ZNF705G: variants seen among roughly 807,000 people sequenced by gnomAD.
ZNF705G encodes zinc finger protein 705G, also known as putative zinc finger protein 705G.
In ZNF705G, 23 loss-of-function variants were observed where a neutral mutation model predicts 19.6. The ratio of observed to expected loss-of-function variants is 1.17; its 90% CI spans 0.84 to 1.66. ZNF705G has a LOEUF of 1.66. Among genes scored for constraint, ZNF705G ranks in the 40% most tolerant of loss-of-function variants. ZNF705G has a pLI of 0.00. For synonymous variants in ZNF705G, 146 were observed against 117.7 expected, an observed-to-expected ratio of 1.24 and a Z score of -1.56; for missense variants, 457 against 354.4, an observed-to-expected ratio of 1.29 and a Z score of -2.32.
At chr8:7,364,402 T>C (rs1322034127) in intron 2 of ZNF705G, among the ~76,000 whole-genome samples, 1 of 149,758 alleles carries the variant, frequency 6.7e-6, no homozygotes. Context: ...ATTGTGACAT[T>C]GTGCTTACAG....
chr8:7,357,811 A>C lies in ZNF705G; in HGVS notation c.*165T>G. 9.1e-7 allele frequency: 1 copy of C among 1,098,998 alleles called. No individual in the cohort carries two copies. Among genetic ancestry groups the C allele is most frequent in the South Asian group, 1.7e-5 (1 of 58,704 alleles). The allele number at this position is 1,098,998 out of a possible 1,614,324, so 68.1% of individuals were successfully genotyped here. On this transcript the variant is annotated 3_prime_UTR_variant, in exon 7 of 7. Coordinates refer to ENST00000400156, the MANE Select transcript of ZNF705G (RefSeq NM_001164457.3). ...CTCTTCCACATTCCTTACCTTTGTC[A>C]TTCCTAACACCGTGTCATCTAAAGT...
At chr8:7,368,841 G>T (rs1806973627) in intron 2 of ZNF705G, among the ~76,000 whole-genome samples, 1 of 149,548 alleles carries the variant, frequency 6.7e-6, no homozygotes, top group Admixed American at 6.6e-5. Flanking sequence ...CATTGTTTGG[G>T]CCACCGCTTT....
At chr8:7,377,953 CAAAAAA>C (rs1175739210) in intron 2 of ZNF705G, among the ~76,000 whole-genome samples, 5 of 53,116 alleles carry the variant, frequency 9.4e-5, no homozygotes, top group Admixed American at 3.9e-4. Flanking sequence ...GACACTGTCT[CAAAAAA>C]AAAAAAAAAA....
rs1806578083 is a variant in ZNF705G, at chr8:7,361,227, T to C, written c.22A>G (p.Thr8Ala). 3.8e-6 allele frequency: 6 copies of C among 1,592,440 alleles called. No individual in the cohort carries two copies. The highest frequency in any genetic ancestry group is 5.1e-6 in the Non-Finnish European group (6 of 1,179,370). ...AAGTCAATAGCTACATCTTCAAAAGTCAGTTTCTTCTAAAACATCACAGAC... is the reference window on the plus strand; with the variant it reads ...AAGTCAATAGCTACATCTTCAAAAGCCAGTTTCTTCTAAAACATCACAGAC... MHSLKKL[T>A]FEDVAIDFTQ... The change falls in exon 4 of 7, where the codon ACT becomes GCT. Residue 8 changes from threonine to alanine, a missense_variant. Thr to Ala is a moderately conservative substitution (Grantham distance 58). Coordinates refer to ENST00000400156, the MANE Select transcript of ZNF705G (RefSeq NM_001164457.3).
intron 5 of ZNF705G, among the ~76,000 whole-genome samples, chr8:7,359,929 C>A (rs1304177591): frequency 2.5e-4 from 38 of 149,288 alleles, no homozygotes; most frequent in African/African-American, 3.3e-4. Context: ...AGATATCAGG[C>A]AGGTAAAAAG....
chr8:7,370,409 C>G (rs1197507192), intron 2 of ZNF705G, among the ~76,000 whole-genome samples: 1 of 149,606 alleles, frequency 6.7e-6, no homozygotes, highest in Non-Finnish European at 1.5e-5. Context: ...TGAAATATCA[C>G]CTGATAGAAT....
rs1243272669 is a variant in ZNF705G, at chr8:7,363,025, T to G, written c.-71-8A>C. 6.3e-7 allele frequency: 1 copy of G among 1,579,278 alleles called. No homozygotes were observed. The highest frequency in any genetic ancestry group is 2.2e-5 in the East Asian group (1 of 44,762). ...TTTAGGCACTAAGAAAAGCTGAGGT[T>G]GGAGAAAGAACATGTGAGACACCAG... On this transcript the variant is annotated splice_region_variant and splice_polypyrimidine_tract_variant and intron_variant, in intron 2 of 6. Transcript: ENST00000400156.
In ZNF705G at chr8:7,360,296, A is replaced by T; in HGVS notation, c.176T>A (p.Leu59Gln). The change falls in exon 5 of 7, where the codon CTG becomes CAG. Residue 59 changes from leucine to glutamine, a missense_variant. Leu to Gln is a moderately radical substitution (Grantham distance 113). Transcript: ENST00000400156. ...QISKSYIILQ[L>Q]EQGKELWREG... ...CCTCCACAGCTCTTTTCCTTGCTCC[A>T]GCTGCAAAATTATATAGGATTTGCT... 1 of 1,591,090 alleles carries T rather than the reference A, an allele frequency of 6.3e-7. No individual in the cohort carries two copies. The highest frequency in any genetic ancestry group is 8.5e-7 in the Non-Finnish European group (1 of 1,178,984).
At chr8:7,361,693 A>G (rs1452057226) in intron 3 of ZNF705G, among the ~76,000 whole-genome samples, 16 of 149,646 alleles carry the variant, frequency 1.1e-4, no homozygotes, top group Non-Finnish European at 1.6e-4. Context: ...TCACCAATCA[A>G]ATGGTTAAAA....
At position 7,357,441 on chromosome 8, in the gene ZNF705G, T is replaced by A. The variant is rs1806326052; in HGVS notation, c.*535A>T. ...AATACAAATAAAGGGTTCATCCAAG[T>A]AAAGTTTTCTCATGTTATTTGACAA... On this transcript the variant is annotated 3_prime_UTR_variant, in exon 7 of 7. Transcript: ENST00000400156. 6.0e-6 allele frequency: 1 copy of A among 166,880 alleles called. No homozygotes were observed. Among genetic ancestry groups the A allele is most frequent in the Non-Finnish European group, 1.3e-5 (1 of 78,112 alleles). The allele number at this position is 166,880 out of a possible 1,614,324, so 10.3% of individuals were successfully genotyped here.
intron 2 of ZNF705G, among the ~76,000 whole-genome samples, chr8:7,366,294 A>C (rs541846703): frequency 6.7e-6 from 1 of 149,518 alleles, no homozygotes; most frequent in East Asian, 1.9e-4. Flanking sequence ...GTGAAAGTGG[A>C]ATGGAATTTA....
Position 7,357,835 on chromosome 8 carries a change from G to C in ZNF705G, c.*141C>G, listed in dbSNP as rs1806344822. 30 of 1,306,386 alleles carry C rather than the reference G, an allele frequency of 2.3e-5. No homozygotes were observed. Among genetic ancestry groups the C allele is most frequent in the Non-Finnish European group, 3.1e-5 (30 of 977,104 alleles). 80.9% of individuals were successfully genotyped at this position (1,306,386 alleles called of 1,614,324 possible). A position where few individuals can be genotyped will look rare whatever the true frequency, so the allele number is the denominator to read the frequency against. Reference sequence around the variant, plus strand: ...CATTCCTAACACCGTGTCATCTAAAGTCAGAATATGTTCTGAAGAAGTTTA... The same window carrying C: ...CATTCCTAACACCGTGTCATCTAAACTCAGAATATGTTCTGAAGAAGTTTA... On this transcript the variant is annotated 3_prime_UTR_variant, in exon 7 of 7. Transcript: ENST00000400156.
chr8:7,368,871 C>G (rs1806975145), intron 2 of ZNF705G, among the ~76,000 whole-genome samples: 1 of 149,594 alleles, frequency 6.7e-6, no homozygotes, highest in Admixed American at 6.6e-5. Flanking sequence ...AAGCCACAAG[C>G]CTTGGCAATT....
rs1016817259 is a variant in ZNF705G, at chr8:7,383,615, T to C, written c.-222+1883A>G. Among the ~76,000 whole-genome samples, 16 of 147,386 alleles carry C rather than the reference T, an allele frequency of 1.1e-4. 1 individual carries two copies. The highest frequency in any genetic ancestry group is 5.9e-5 in the Non-Finnish European group (4 of 68,012). On this transcript the variant is annotated intron_variant, in intron 1 of 6. Coordinates refer to ENST00000400156, the MANE Select transcript of ZNF705G (RefSeq NM_001164457.3). ...GTGTCTCCCCATTCATCTGTTGAAA[T>C]GCCAACCCCCAAAGTGGTGATGATA...
chr8:7,362,722 C>G (rs1806660507), intron 3 of ZNF705G, among the ~76,000 whole-genome samples: 2 of 149,142 alleles, frequency 1.3e-5, no homozygotes, highest in African/African-American at 5.2e-5. Flanking sequence ...CACACGATAC[C>G]CAACCTAGAG....
chr8:7,370,155 C>A (rs1807036647), intron 2 of ZNF705G, among the ~76,000 whole-genome samples: 1 of 147,786 alleles, frequency 6.8e-6, no homozygotes, highest in South Asian at 2.1e-4. Flanking sequence ...CCTGTAGTCC[C>A]AGCTACTTGG....
At chr8:7,368,782 T>A (rs1211910740) in intron 2 of ZNF705G, among the ~76,000 whole-genome samples, 1 of 149,556 alleles carries the variant, frequency 6.7e-6, no homozygotes, top group Non-Finnish European at 1.5e-5. Context: ...CTCACAGCAA[T>A]CTAGGTCTCA....
intron 2 of ZNF705G, among the ~76,000 whole-genome samples, chr8:7,376,096 G>A (rs111277072): frequency 1.1e-5 from 1 of 89,806 alleles, no homozygotes; most frequent in Non-Finnish European, 2.1e-5. Context: ...GAAAGCTCAG[G>A]GATCAAAAAA....
chr8:7,360,762 T>C (rs1806543987), intron 4 of ZNF705G, among the ~76,000 whole-genome samples: 1 of 149,554 alleles, frequency 6.7e-6, no homozygotes, highest in South Asian at 2.1e-4. Flanking sequence ...GGTCTCAGCC[T>C]AAGCATAGAC....
Sources: gnomAD v4.1 joint callset for allele counts (sites outside exome capture counted in the v4.1 genomes callset) on GRCh38, gnomAD v4.1.1 for gene constraint, MANE v1.5 for transcripts, NCBI Gene and HGNC (gene_info 2026-07-23, HGNC 2026-07-21) for gene names.